MOGAT1: variants seen among roughly 807,000 people sequenced by gnomAD.
MOGAT1 encodes monoacylglycerol O-acyltransferase 1.
In MOGAT1, 32 loss-of-function variants were observed where a neutral mutation model predicts 31.4. That is an observed-to-expected ratio of 1.02 (90% CI 0.77 to 1.37). The LOEUF is 1.37. MOGAT1 is among the 40% of genes most tolerant of loss of function. The pLI is 0.00. For synonymous variants in MOGAT1, 145 were observed against 144.5 expected (o/e 1.00, Z -0.03); for missense variants, 426 against 402.0 (o/e 1.06, Z -0.51).
intron 1 of MOGAT1, among the ~76,000 whole-genome samples, chr2:222,683,206 A>G (rs539738094): frequency 9.6e-4 from 52 of 53,998 alleles, no homozygotes; most frequent in Middle Eastern, 0.016. Context: ...CCTGTCTCAG[A>G]AAAAAAAAAA....
intron 3 of MOGAT1, among the ~76,000 whole-genome samples, chr2:222,690,164 A>G (rs918208976): frequency 6.6e-5 from 10 of 152,046 alleles, no homozygotes; most frequent in Admixed American, 6.5e-4. Flanking sequence ...CTGAGGTGGA[A>G]GGATCACCTG....
At chr2:222,700,754 A>G (rs1012185054) in intron 5 of MOGAT1, among the ~76,000 whole-genome samples, 4 of 152,228 alleles carry the variant, frequency 2.6e-5, no homozygotes, top group African/African-American at 4.8e-5. Flanking sequence ...TGTCAATCAA[A>G]TGCCACAGAG....
chr2:222,671,984 G>C, intron 1 of MOGAT1, 105 bp downstream of exon 1: 4 of 929,000 alleles, frequency 4.3e-6, no homozygotes, highest in Non-Finnish European at 6.7e-6. Context: ...TCGTTCCCCT[G>C]TCGGCCAGAG....
At chr2:222,675,198 AAAGATGG>A (rs1248686752) in intron 1 of MOGAT1, among the ~76,000 whole-genome samples, 11 of 152,178 alleles carry the variant, frequency 7.2e-5, no homozygotes, top group African/African-American at 2.4e-4. Context: ...ATTTCTTTTA[AAAGATGG>A]AAGTTAGAGC....
rs895338494 is a variant in MOGAT1 at position 222,689,343 on chromosome 2, G to A, written c.352G>A (p.Ala118Thr). ...CCCCCATGGAATAATGGCAGTTGGAGCCTTTGGGAATTTTTCTGTAAATTA... is the reference window on the plus strand; with the variant it reads ...CCCCCATGGAATAATGGCAGTTGGAACCTTTGGGAATTTTTCTGTAAATTA... ...FHPHGIMAVG[A>T]FGNFSVNYSD... is the part of the protein sequence containing the mutation. The change falls in exon 3 of 6, where the codon GCC becomes ACC. Residue 118 changes from alanine to threonine, a missense_variant. Physicochemically the swap from Ala to Thr is moderately conservative, Grantham distance 58. Coordinates refer to ENST00000446656, the MANE Select transcript of MOGAT1 (RefSeq NM_058165.3). The A allele has an allele frequency of 6.2e-7, 1 of 1,613,880 alleles. No individual in the cohort carries two copies. Among genetic ancestry groups the A allele is most frequent in the African/African-American group, 1.3e-5 (1 of 74,942 alleles).
intron 3 of MOGAT1, among the ~76,000 whole-genome samples, chr2:222,689,815 A>C (rs141265332): frequency 6.6e-6 from 1 of 152,364 alleles, no homozygotes; most frequent in Non-Finnish European, 1.5e-5. Flanking sequence ...TAAGTGACAA[A>C]TCACACCCTT....
At chr2:222,688,841 A>T (rs1250987706) in intron 2 of MOGAT1, among the ~76,000 whole-genome samples, 1 of 152,128 alleles carries the variant, frequency 6.6e-6, no homozygotes, top group Non-Finnish European at 1.5e-5. Context: ...ATTCCTTTAT[A>T]AGGAACTCAC....
intron 1 of MOGAT1, among the ~76,000 whole-genome samples, chr2:222,672,121 C>T (rs926499459): frequency 6.6e-6 from 1 of 152,110 alleles, no homozygotes; most frequent in African/African-American, 2.4e-5. Flanking sequence ...TGCACCTTGC[C>T]TACAATAAAA....
At chr2:222,703,936 C>G (rs1692966698) in intron 5 of MOGAT1, among the ~76,000 whole-genome samples, 1 of 151,966 alleles carries the variant, frequency 6.6e-6, no homozygotes, top group African/African-American at 2.4e-5. Context: ...CCACAAAGCT[C>G]CCTCATCTTA....
At chr2:222,681,304 C>T (rs139622284) in intron 1 of MOGAT1, among the ~76,000 whole-genome samples, 13 of 152,284 alleles carry the variant, frequency 8.5e-5, no homozygotes, top group East Asian at 5.8e-4. Flanking sequence ...TTCTTTCTGA[C>T]GGCTACAAAT....
At chr2:222,672,234 T>A (rs1043815586) in intron 1 of MOGAT1, among the ~76,000 whole-genome samples, 8 of 152,182 alleles carry the variant, frequency 5.3e-5, no homozygotes, top group African/African-American at 1.9e-4. Context: ...CCCTCAAAAG[T>A]TGGCAAACTC....
At chr2:222,698,558 C>T (rs925044867) in intron 5 of MOGAT1, 1 of 152,196 alleles carries the variant, frequency 6.6e-6, no homozygotes, top group African/African-American at 2.4e-5. Context: ...CCCAGTGTCT[C>T]GAGTAGCCCT....
chr2:222,677,332 GC>G (rs1270074809), intron 1 of MOGAT1, among the ~76,000 whole-genome samples: 1 of 152,150 alleles, frequency 6.6e-6, no homozygotes, highest in African/African-American at 2.4e-5. Context: ...TGTAATCCCA[GC>G]ACTTTGGGAG....
At chr2:222,706,853 A>C (rs1387847871) in intron 5 of MOGAT1, among the ~76,000 whole-genome samples, 2 of 152,248 alleles carry the variant, frequency 1.3e-5, no homozygotes, top group Non-Finnish European at 2.9e-5. Context: ...CAGTGCTGGA[A>C]GAATGCTTCA....
At chr2:222,701,765 G>A (rs991834200) in intron 5 of MOGAT1, among the ~76,000 whole-genome samples, 3 of 152,114 alleles carry the variant, frequency 2.0e-5, no homozygotes, top group East Asian at 1.9e-4. Context: ...ATGCTCCAGC[G>A]CTGGCCACAT....
At chr2:222,686,405 C>T (rs753033508) in intron 1 of MOGAT1, among the ~76,000 whole-genome samples, 19 of 152,186 alleles carry the variant, frequency 1.2e-4, no homozygotes, top group Non-Finnish European at 2.4e-4. Flanking sequence ...CTATTCTTTC[C>T]CTGCCCTATT....
chr2:222,685,793 G>T (rs1210377032), intron 1 of MOGAT1, among the ~76,000 whole-genome samples: 8 of 151,878 alleles, frequency 5.3e-5, no homozygotes, highest in South Asian at 2.1e-4. Context: ...TAGAGACAGG[G>T]TTTCTCCATG....
At chr2:222,708,780 T>C (rs1161170984) in intron 5 of MOGAT1, among the ~76,000 whole-genome samples, 1 of 152,206 alleles carries the variant, frequency 6.6e-6, no homozygotes, top group African/African-American at 2.4e-5. Context: ...ACAAATTATT[T>C]TTCCACTTAA....
Position 222,709,920 on chromosome 2 carries a change from A to C in MOGAT1, c.*30A>C. The C allele has an allele frequency of 2.0e-6, 3 of 1,492,970 alleles. No individual in the cohort carries two copies. The highest frequency in any genetic ancestry group is 2.7e-6 in the Non-Finnish European group (3 of 1,108,166). The allele number at this position is 1,492,970 out of a possible 1,614,324, so 92.5% of individuals were successfully genotyped here. ...ACTATAAAAAAAAATTAAAAAATAA[A>C]AATAAATGACTTGGCTGTAATAAGG... On this transcript the variant is annotated 3_prime_UTR_variant, in exon 6 of 6. Transcript: ENST00000446656.
Sources: gnomAD v4.1 joint callset for allele counts (sites outside exome capture counted in the v4.1 genomes callset) on GRCh38, gnomAD v4.1.1 for gene constraint, MANE v1.5 for transcripts, NCBI Gene and HGNC (gene_info 2026-07-23, HGNC 2026-07-21) for gene names.